The following VPS13B variants were observed in gnomAD, a reference collection of about 807,000 sequenced individuals.
VPS13B encodes vacuolar protein sorting 13 homolog B.
A neutral mutation model predicts 426.4 loss-of-function variants in VPS13B; 285 were observed. The observed-to-expected ratio is 0.67, with a 90% CI of 0.61 to 0.74. The LOEUF is 0.74. Among genes scored for constraint, VPS13B ranks in the 30% least tolerant of loss-of-function variants. The pLI is 0.00. For missense variants in VPS13B, 4,537 were observed against 4,782.6 expected (o/e 0.95, Z 1.51); for synonymous variants, 1,676 against 1,676.4 (o/e 1.00, Z 0.01).
At chr8:99,492,615 G>T (rs1820674850) in intron 25 of VPS13B, among the ~76,000 whole-genome samples, 1 of 152,220 alleles carries the variant, frequency 6.6e-6, no homozygotes. Flanking sequence ...CTCGCAGGTT[G>T]ATCTCAGACT....
At chr8:99,648,734 C>A (rs1829691624) in intron 34 of VPS13B, among the ~76,000 whole-genome samples, 1 of 152,118 alleles carries the variant, frequency 6.6e-6, no homozygotes, top group African/African-American at 2.4e-5. Context: ...AGATTTTAAT[C>A]TTTGTTTCAG....
intron 23 of VPS13B, among the ~76,000 whole-genome samples, chr8:99,457,702 C>G (rs1818561573): frequency 6.6e-6 from 1 of 151,682 alleles, no homozygotes; most frequent in South Asian, 2.1e-4. Flanking sequence ...GAAATTTATT[C>G]CTGTATGATG....
At chr8:99,452,638 T>A (rs1263712213) in intron 23 of VPS13B, among the ~76,000 whole-genome samples, 1 of 152,108 alleles carries the variant, frequency 6.6e-6, no homozygotes, top group Non-Finnish European at 1.5e-5. Context: ...GAAAAATAAT[T>A]CCTGGTCTTT....
chr8:99,597,277 C>T (rs757657388), intron 33 of VPS13B, among the ~76,000 whole-genome samples: 1 of 151,946 alleles, frequency 6.6e-6, no homozygotes, highest in Non-Finnish European at 1.5e-5. Flanking sequence ...AGGGCCCAGA[C>T]AAGGATAGTG....
intron 3 of VPS13B, among the ~76,000 whole-genome samples, chr8:99,055,044 G>GTTTTTTT (rs397779213): frequency 7.0e-6 from 1 of 141,882 alleles, no homozygotes; most frequent in African/African-American, 2.6e-5. Context: ...TTTTTTTTTT[G>GTTTTTTT]TTTTTTTTTT....
intron 29 of VPS13B, among the ~76,000 whole-genome samples, 192 bp from the exon 30 acceptor site, chr8:99,520,707 A>G (rs1309282462): frequency 6.6e-6 from 1 of 152,090 alleles, no homozygotes; most frequent in Admixed American, 6.6e-5. Context: ...AAACCACTTA[A>G]TGGGTATTAA....
chr8:99,635,020 C>T (rs1009501979), intron 33 of VPS13B, among the ~76,000 whole-genome samples: 1 of 150,584 alleles, frequency 6.6e-6, no homozygotes. Context: ...TAAAAGCATG[C>T]GACAGCCTCT....
At chr8:99,410,527 T>C (rs1269554709) in intron 21 of VPS13B, among the ~76,000 whole-genome samples, 1 of 151,112 alleles carries the variant, frequency 6.6e-6, no homozygotes, top group African/African-American at 2.4e-5. Flanking sequence ...TCTTGCTGTG[T>C]TACCAGAATT....
chr8:99,825,444 G>C (rs1814626684), intron 51 of VPS13B, among the ~76,000 whole-genome samples: 1 of 152,088 alleles, frequency 6.6e-6, no homozygotes, highest in Non-Finnish European at 1.5e-5. Flanking sequence ...TTGTAAATTT[G>C]ATTAAGTTTC....
chr8:99,060,617 A>AC (rs960479256), intron 3 of VPS13B, among the ~76,000 whole-genome samples: 2 of 151,632 alleles, frequency 1.3e-5, no homozygotes, highest in African/African-American at 4.8e-5. Context: ...TCAAAAACAA[A>AC]AAAAAAAATT....
intron 20 of VPS13B, chr8:99,389,547 A>G (rs1814309201): frequency 6.6e-6 from 1 of 152,188 alleles, no homozygotes; most frequent in Admixed American, 6.5e-5. Context: ...TTATTCTTAC[A>G]TTAAAGTAGA....
At chr8:99,521,178 CA>C (rs1354025498) in intron 30 of VPS13B, among the ~76,000 whole-genome samples, 168 bp downstream of exon 30, 1 of 152,022 alleles carries the variant, frequency 6.6e-6, no homozygotes, top group African/African-American at 2.4e-5. Flanking sequence ...TTAATTCATT[CA>C]GACAAATCAA....
intron 35 of VPS13B, among the ~76,000 whole-genome samples, chr8:99,672,836 A>G (rs1211929309): frequency 6.6e-6 from 1 of 151,896 alleles, no homozygotes; most frequent in African/African-American, 2.4e-5. Context: ...TAATTTTTTG[A>G]GAGTTCTTAT....
At chr8:99,231,177 G>A (rs1368076811) in intron 17 of VPS13B, among the ~76,000 whole-genome samples, 3 of 152,136 alleles carry the variant, frequency 2.0e-5, no homozygotes, top group African/African-American at 7.2e-5. Context: ...AATTGTAGAA[G>A]CTGTTAGTTT....
At chr8:99,521,515 T>C (rs1412972997) in intron 30 of VPS13B, among the ~76,000 whole-genome samples, 3 of 152,236 alleles carry the variant, frequency 2.0e-5, no homozygotes, top group Non-Finnish European at 4.4e-5. Context: ...CTCTGGATTT[T>C]GTCACTGAGT....
intron 25 of VPS13B, 139 bp downstream of exon 25, chr8:99,481,941 A>G (rs1295065953): frequency 1.9e-6 from 2 of 1,039,212 alleles, no homozygotes; most frequent in Non-Finnish European, 2.8e-6. Flanking sequence ...CTGTGGCAGC[A>G]GTGACTGTCT....
chr8:99,017,040 T>C (rs970242204), intron 2 of VPS13B, among the ~76,000 whole-genome samples: 2 of 152,236 alleles, frequency 1.3e-5, no homozygotes, highest in Non-Finnish European at 2.9e-5. Context: ...ATCAATCTTT[T>C]CCCTTGTGGT....
intron 21 of VPS13B, among the ~76,000 whole-genome samples, chr8:99,425,278 A>G (rs1435373958): frequency 6.6e-6 from 1 of 152,166 alleles, no homozygotes; most frequent in Non-Finnish European, 1.5e-5. Context: ...AGAATTTTAG[A>G]CCAATATCCC....
Position 99,639,015 on chromosome 8 carries a change from A to C in VPS13B, c.5221-2796A>C, listed in dbSNP as rs535716392. Among the ~76,000 whole-genome samples the C allele has an allele frequency of 2.4e-3, 370 of 152,300 alleles. 1 individual carries two copies. Among genetic ancestry groups the C allele is most frequent in the Non-Finnish European group, 4.1e-3 (279 of 68,010 alleles). ...CTGGTAAAAGAGACAAACACATAACAGCTGCCCATTGTTGGATATTTACTG... is the reference window on the plus strand; with the variant it reads ...CTGGTAAAAGAGACAAACACATAACCGCTGCCCATTGTTGGATATTTACTG... On this transcript the variant is annotated intron_variant, in intron 33 of 61. Transcript: ENST00000357162.
Sources: allele counts gnomAD v4.1 joint callset (sites outside exome capture counted in the v4.1 genomes callset), GRCh38; gene constraint gnomAD v4.1.1; transcripts MANE v1.5; gene names NCBI Gene and HGNC (gene_info 2026-07-23, HGNC 2026-07-21).